The following VEZT variants were observed in gnomAD, a reference collection of about 807,000 sequenced individuals.
VEZT encodes the protein vezatin, adherens junctions transmembrane protein.
In VEZT, 39 loss-of-function variants were observed where a neutral mutation model predicts 79.9. That is an observed-to-expected ratio of 0.49 (90% CI 0.38 to 0.64). VEZT has a LOEUF of 0.64. Among genes scored for constraint, VEZT ranks in the 30% least tolerant of loss-of-function variants. The pLI, the probability that VEZT is intolerant of heterozygous loss-of-function variation, is 0.00. For missense variants in VEZT, 837 were observed against 893.1 expected (o/e 0.94, Z 0.80); for synonymous variants, 325 against 327.6 (o/e 0.99, Z 0.09).
intron 1 of VEZT, among the ~76,000 whole-genome samples, chr12:95,236,981 C>G (rs1193639525): frequency 6.6e-6 from 1 of 152,110 alleles, no homozygotes; most frequent in Non-Finnish European, 1.5e-5. Flanking sequence ...ATAATGCTAG[C>G]CTATTTTGAG....
At chr12:95,268,102 C>T (rs1039122140) in intron 5 of VEZT, among the ~76,000 whole-genome samples, 2 of 151,936 alleles carry the variant, frequency 1.3e-5, no homozygotes, top group Non-Finnish European at 2.9e-5. Context: ...TTTGTCGTTG[C>T]ATTAGTTGAA....
intron 1 of VEZT, chr12:95,245,574 G>A (rs1180799021): frequency 8.8e-6 from 4 of 456,602 alleles, no homozygotes; most frequent in South Asian, 3.1e-5. Context: ...TATTGAATCA[G>A]TTGCCTAATT....
chr12:95,299,498 G>A (rs142081916), intron 11 of VEZT: 5 of 152,104 alleles, frequency 3.3e-5, no homozygotes, highest in East Asian at 1.9e-4. Context: ...TGTATTTTTC[G>A]TGGTACTACA....
chr12:95,269,920 T>G, intron 5 of VEZT, 131 bp from the exon 6 acceptor site: 1 of 1,046,140 alleles, frequency 9.6e-7, no homozygotes, highest in Non-Finnish European at 1.4e-6. Flanking sequence ...ATATGTATAA[T>G]CATTTTCTAG....
intron 8 of VEZT, among the ~76,000 whole-genome samples, chr12:95,284,757 C>T (rs2070169629): frequency 6.6e-6 from 1 of 152,126 alleles, no homozygotes; most frequent in Non-Finnish European, 1.5e-5. Flanking sequence ...GTAATCCCAG[C>T]ACTTTGGGAT....
At chr12:95,250,988 G>A (rs1481890293) in intron 1 of VEZT, among the ~76,000 whole-genome samples, 4 of 152,014 alleles carry the variant, frequency 2.6e-5, no homozygotes, top group Admixed American at 1.3e-4. Context: ...AGGCAGAGTC[G>A]GGATTTGAAT....
chr12:95,253,526 T>C (rs2062956557), intron 2 of VEZT, among the ~76,000 whole-genome samples: 1 of 152,192 alleles, frequency 6.6e-6, no homozygotes, highest in African/African-American at 2.4e-5. Flanking sequence ...TTGTATATAA[T>C]AGGCTATTTA....
intron 9 of VEZT, among the ~76,000 whole-genome samples, chr12:95,290,439 A>G (rs2072447697): frequency 6.6e-6 from 1 of 152,218 alleles, no homozygotes; most frequent in Admixed American, 6.5e-5. Flanking sequence ...CCATCCATAC[A>G]GTGAAATACT....
chr12:95,224,994 G>A (rs1210170607), intron 1 of VEZT, among the ~76,000 whole-genome samples: 1 of 152,160 alleles, frequency 6.6e-6, no homozygotes, highest in African/African-American at 2.4e-5. Flanking sequence ...GATCTGACAG[G>A]AGGCGGAGCT....
chr12:95,233,935 A>G (rs1012278264), intron 1 of VEZT, among the ~76,000 whole-genome samples: 1 of 152,186 alleles, frequency 6.6e-6, no homozygotes, highest in African/African-American at 2.4e-5. Context: ...TAGTGGTAAA[A>G]TTGCTAGGTC....
At chr12:95,262,353 A>G (rs1219271892) in intron 3 of VEZT, 2 of 152,272 alleles carry the variant, frequency 1.3e-5, no homozygotes, top group African/African-American at 4.8e-5. Context: ...ATAGATGAAT[A>G]GAAAGAAGAG....
In VEZT at chr12:95,225,061, T is replaced by A. The variant is rs572054603; in HGVS notation, c.36+7175T>A. Among the ~76,000 whole-genome samples, 21 of 152,292 alleles carry A rather than the reference T, an allele frequency of 1.4e-4. No individual in the cohort carries two copies. In the South Asian group the frequency reaches 3.7e-3, roughly 27 times the overall value. On this transcript the variant is annotated intron_variant, in intron 1 of 11. Coordinates refer to ENST00000436874, the MANE Select transcript of VEZT (RefSeq NM_017599.4). ...ACCATCCTGCTGGCCTCGGGCTGTATTCCTAACAGGCCATGGACCGGTACC... is the reference window on the plus strand; with the variant it reads ...ACCATCCTGCTGGCCTCGGGCTGTAATCCTAACAGGCCATGGACCGGTACC...
At chr12:95,269,566 C>T (rs1225902946) in intron 5 of VEZT, among the ~76,000 whole-genome samples, 1 of 152,116 alleles carries the variant, frequency 6.6e-6, no homozygotes, top group Non-Finnish European at 1.5e-5. Flanking sequence ...GATCAGTGAA[C>T]ATATGTGATG....
In VEZT at chr12:95,270,035, C is replaced by T. The variant is rs769216061; in HGVS notation, c.711-16C>T. The T allele has an allele frequency of 6.2e-7, 1 of 1,606,212 alleles. No individual in the cohort carries two copies. Among genetic ancestry groups the T allele is most frequent in the South Asian group, 1.1e-5 (1 of 89,330 alleles). ...TACAGTTGTATCACATTTTACTTTT[C>T]AAGTTTGCTTGACAGGGTCAGTGCT... On this transcript the variant is annotated splice_polypyrimidine_tract_variant and intron_variant, in intron 5 of 11. Transcript: ENST00000436874.
At chr12:95,254,504 G>A (rs1018532050) in intron 2 of VEZT, among the ~76,000 whole-genome samples, 96 of 151,880 alleles carry the variant, frequency 6.3e-4, no homozygotes, top group African/African-American at 2.1e-3. Flanking sequence ...AGGCCACCAC[G>A]CCCAGCCAAG....
At position 95,236,550 on chromosome 12, in the gene VEZT, G is replaced by A. The variant is rs528092715; in HGVS notation, c.37-15390G>A. On this transcript the variant is annotated intron_variant, in intron 1 of 11. Coordinates refer to ENST00000436874, the MANE Select transcript of VEZT (RefSeq NM_017599.4). ...CAGCCAGTTTCTAACCTTGTGTAAC[G>A]TGAGGCAAATGCTCTTACTGAATTC... Among the ~76,000 whole-genome samples, 22 of 152,010 alleles carry A rather than the reference G, an allele frequency of 1.4e-4. No individual in the cohort carries two copies. In the South Asian group the frequency reaches 3.7e-3, roughly 26 times the overall value.
chr12:95,230,865 T>C (rs2059184876), intron 1 of VEZT, among the ~76,000 whole-genome samples: 1 of 152,230 alleles, frequency 6.6e-6, no homozygotes, highest in African/African-American at 2.4e-5. Flanking sequence ...GGGATATCAA[T>C]CTACCATTGC....
chr12:95,229,786 T>C (rs1290973826), intron 1 of VEZT, among the ~76,000 whole-genome samples: 1 of 152,176 alleles, frequency 6.6e-6, no homozygotes, highest in Non-Finnish European at 1.5e-5. Context: ...AGGGGCACAG[T>C]GTTAGAAAGT....
chr12:95,272,795 C>T (rs889254800), intron 6 of VEZT, among the ~76,000 whole-genome samples: 1 of 152,186 alleles, frequency 6.6e-6, no homozygotes, highest in African/African-American at 2.4e-5. Flanking sequence ...TCTCATCTGT[C>T]ACCCAGACTG....
Sources: gnomAD v4.1 joint callset for allele counts (sites outside exome capture counted in the v4.1 genomes callset) on GRCh38, gnomAD v4.1.1 for gene constraint, MANE v1.5 for transcripts, NCBI Gene and HGNC (gene_info 2026-07-23, HGNC 2026-07-21) for gene names.